JMJD1C: variants seen among roughly 807,000 people sequenced by gnomAD.
JMJD1C encodes jumonji domain-containing protein 1C.
A neutral mutation model predicts 245.3 loss-of-function variants in JMJD1C; 31 were observed. The observed-to-expected ratio is 0.13, with a 90% confidence interval of 0.09 to 0.17. JMJD1C has a LOEUF of 0.17. JMJD1C is among the 10% of genes least tolerant of loss of function. The pLI, the probability that JMJD1C is intolerant of heterozygous loss-of-function variation, is 1.00. For missense variants in JMJD1C, 2,691 were observed against 3,000.2 expected (o/e 0.90, Z 2.41); for synonymous variants, 1,057 against 1,017.4 (o/e 1.04, Z -0.74).
At chr10:63,189,060 T>A in intron 18 of JMJD1C, 108 bp downstream of exon 18, 1 of 886,062 alleles carries the variant, frequency 1.1e-6, no homozygotes. Flanking sequence ...CCCAAATGTG[T>A]TAACCACTAT....
At chr10:63,268,480 T>C (rs543613798) in intron 2 of JMJD1C, among the ~76,000 whole-genome samples, 25 of 152,196 alleles carry the variant, frequency 1.6e-4, no homozygotes, top group African/African-American at 5.8e-4. Context: ...CATTTACAGT[T>C]ATTAAATTAC....
At chr10:63,365,291 C>G (rs1217751331) in intron 2 of JMJD1C, among the ~76,000 whole-genome samples, 2 of 152,172 alleles carry the variant, frequency 1.3e-5, no homozygotes, top group Non-Finnish European at 2.9e-5. Context: ...GTACATCTGT[C>G]TCCTTACTCT....
chr10:63,362,456 CACATATATATATTTAT>C (rs1564834478), intron 2 of JMJD1C, among the ~76,000 whole-genome samples: 1 of 122,680 alleles, frequency 8.2e-6, no homozygotes, highest in African/African-American at 2.7e-5. Context: ...AGTTCAGTTA[CACATATATATATTTAT>C]TTATATATAT....
intron 2 of JMJD1C, among the ~76,000 whole-genome samples, chr10:63,368,475 AAT>A: frequency 6.6e-6 from 1 of 152,280 alleles, no homozygotes; most frequent in South Asian, 2.1e-4. Context: ...GGAACTCAGA[AAT>A]AACTGAGTAA....
chr10:63,295,957 ATATGTGTG>A (rs1554877101), intron 2 of JMJD1C, among the ~76,000 whole-genome samples: 15 of 94,542 alleles, frequency 1.6e-4, no homozygotes, highest in African/African-American at 6.6e-4. Context: ...ATATACACGT[ATATGTGTG>A]TGTGTGTGTG....
intron 1 of JMJD1C, among the ~76,000 whole-genome samples, chr10:63,477,519 C>G (rs962401680): frequency 3.7e-5 from 5 of 136,034 alleles, no homozygotes; most frequent in African/African-American, 1.4e-4. Context: ...ATCTCTTCAA[C>G]AAATGGTGCC....
At chr10:63,344,222 T>C (rs1943616359) in intron 2 of JMJD1C, among the ~76,000 whole-genome samples, 1 of 152,232 alleles carries the variant, frequency 6.6e-6, no homozygotes, top group Non-Finnish European at 1.5e-5. Context: ...TAGTATTTCC[T>C]TTACCTTTTA....
intron 2 of JMJD1C, among the ~76,000 whole-genome samples, chr10:63,273,333 A>C (rs189034402): frequency 6.6e-6 from 1 of 152,276 alleles, no homozygotes; most frequent in East Asian, 1.9e-4. Context: ...CTGGGACTAC[A>C]AGTAAGTGCC....
At position 63,334,770 on chromosome 10, in the gene JMJD1C, G is replaced by A. The variant is rs1470803028; in HGVS notation, c.333+45548C>T. Among the ~76,000 whole-genome samples the A allele has an allele frequency of 4.1e-5, 6 of 147,144 alleles. No individual in the cohort carries two copies. In the East Asian group the frequency reaches 9.3e-4, roughly 23 times the overall value. On this transcript the variant is annotated intron_variant, in intron 2 of 25. Coordinates refer to ENST00000399262, the MANE Select transcript of JMJD1C (RefSeq NM_032776.3). ...CTGTCACCCAGGTTGGAGGGGTGGC[G>A]TGATCTCAGCTTACTGCAACCTCCA...
intron 1 of JMJD1C, among the ~76,000 whole-genome samples, chr10:63,404,015 T>C (rs1323902721): frequency 6.6e-6 from 1 of 151,948 alleles, no homozygotes; most frequent in Non-Finnish European, 1.5e-5. Flanking sequence ...CTCAGGAGAC[T>C]GAGGCAGGAG....
chr10:63,361,728 A>G, intron 2 of JMJD1C, among the ~76,000 whole-genome samples: 1 of 45,702 alleles, frequency 2.2e-5, no homozygotes, highest in South Asian at 9.0e-4. Flanking sequence ...CTAAAAAAAA[A>G]AAAAAAAAAA....
chr10:63,268,480 T>A (rs543613798), intron 2 of JMJD1C, among the ~76,000 whole-genome samples: 1 of 152,314 alleles, frequency 6.6e-6, no homozygotes, highest in East Asian at 1.9e-4. Flanking sequence ...CATTTACAGT[T>A]ATTAAATTAC....
intron 2 of JMJD1C, among the ~76,000 whole-genome samples, chr10:63,312,931 A>T (rs888512622): frequency 6.6e-6 from 1 of 152,222 alleles, no homozygotes; most frequent in Non-Finnish European, 1.5e-5. Context: ...CTTTTACATT[A>T]AACAATTACT....
chr10:63,368,369 A>G (rs952722300), intron 2 of JMJD1C, among the ~76,000 whole-genome samples: 21 of 152,210 alleles, frequency 1.4e-4, no homozygotes, highest in African/African-American at 4.6e-4. Context: ...ATTCACGAAC[A>G]TGGAGACCTT....
intron 2 of JMJD1C, among the ~76,000 whole-genome samples, chr10:63,297,344 C>T (rs1372091837): frequency 6.6e-6 from 1 of 152,138 alleles, no homozygotes; most frequent in African/African-American, 2.4e-5. Flanking sequence ...TATAAAAACC[C>T]CGGGCTCAGC....
intron 3 of JMJD1C, among the ~76,000 whole-genome samples, chr10:63,231,382 G>A (rs889570737): frequency 1.3e-5 from 2 of 152,290 alleles, no homozygotes; most frequent in South Asian, 2.1e-4. Context: ...GTGGCCTTAA[G>A]AATTTCCTGC....
intron 2 of JMJD1C, among the ~76,000 whole-genome samples, chr10:63,352,056 T>C (rs892873365): frequency 6.6e-6 from 1 of 151,884 alleles, no homozygotes; most frequent in African/African-American, 2.4e-5. Context: ...AATAAAAAAA[T>C]ATACACAAGG....
intron 1 of JMJD1C, among the ~76,000 whole-genome samples, chr10:63,511,748 G>A (rs1954879263): frequency 6.6e-6 from 1 of 152,020 alleles, no homozygotes; most frequent in East Asian, 1.9e-4. Flanking sequence ...GTATTTGTGG[G>A]ATGTGAAAAC....
upstream of JMJD1C, chr10:63,465,990 T>C: frequency 3.6e-6 from 1 of 277,020 alleles, no homozygotes; most frequent in South Asian, 5.2e-5. Context: ...TCCGTCTCCC[T>C]CCCCGGGCAG....
Sources: gnomAD v4.1 joint callset for allele counts (sites outside exome capture counted in the v4.1 genomes callset) on GRCh38, gnomAD v4.1.1 for gene constraint, MANE v1.5 for transcripts, NCBI Gene and HGNC (gene_info 2026-07-23, HGNC 2026-07-21) for gene names.